Variants in FBXO36 observed in about 807,000 individuals in gnomAD.
FBXO36 encodes the protein F-box only protein 36.
In FBXO36, 18 loss-of-function variants were observed where a neutral mutation model predicts 17.0. That is an observed-to-expected ratio of 1.06 (90% CI 0.73 to 1.57). The LOEUF is 1.57. Among genes scored for constraint, FBXO36 ranks in the 40% most tolerant of loss-of-function variants. The pLI, the probability that FBXO36 is intolerant of heterozygous loss-of-function variation, is 0.00. For synonymous variants in FBXO36, 83 were observed against 85.3 expected, an observed-to-expected ratio of 0.97 and a Z score of 0.15; for missense variants, 229 against 221.9, an observed-to-expected ratio of 1.03 and a Z score of -0.20.
chr2:229,958,726 G>A (rs1430423811), intron 1 of FBXO36, among the ~76,000 whole-genome samples: 9 of 152,124 alleles, frequency 5.9e-5, no homozygotes, highest in Admixed American at 4.6e-4. Context: ...ACGGTGTCCC[G>A]CTGCAAGAGT....
intron 1 of FBXO36, chr2:229,923,284 G>C (rs1009789993): frequency 6.6e-6 from 1 of 152,154 alleles, no homozygotes; most frequent in Non-Finnish European, 1.5e-5. Context: ...TATCTCCAAA[G>C]TAACCATCGG....
At position 229,922,610 on chromosome 2, in the gene FBXO36, G is replaced by T. The variant is rs1168540042; in HGVS notation, c.96+1G>T. The stretch of plus-strand genomic sequence containing the variant: ...CCAGTTACTGGTCACCCGGTCTCAG[G>T]CAAGTGCGAGCCGCGGTTTACCCTC... On this transcript the variant is annotated splice_donor_variant, in intron 1 of 3. Coordinates refer to ENST00000283946, the MANE Select transcript of FBXO36 (RefSeq NM_174899.5). LOFTEE classifies it high-confidence loss of function. 6.2e-7 allele frequency: 1 copy of T among 1,613,812 alleles called. No homozygotes were observed. Among genetic ancestry groups the T allele is most frequent in the Admixed American group, 1.7e-5 (1 of 59,992 alleles).
Position 229,997,054 on chromosome 2 carries a change from A to G in FBXO36, c.378+131A>G, listed in dbSNP as rs1331317562. On this transcript the variant is annotated intron_variant, in intron 3 of 3. Transcript: ENST00000283946. The stretch of plus-strand genomic sequence containing the variant: ...TGTCTTAGGTGCACAAGCAGCAGAG[A>G]TGAAATGACATTCCTCCCCTCAAAG... 5.2e-6 allele frequency: 4 copies of G among 767,404 alleles called. No homozygotes were observed. In the South Asian group the frequency reaches 7.2e-5, roughly 14 times the overall value. The allele number at this position is 767,404 out of a possible 1,614,324, so 47.5% of individuals were successfully genotyped here.
At chr2:229,925,616 C>T (rs2076908311) in intron 1 of FBXO36, among the ~76,000 whole-genome samples, 1 of 151,796 alleles carries the variant, frequency 6.6e-6, no homozygotes, top group Non-Finnish European at 1.5e-5. Context: ...TTCTTTCATG[C>T]TGATTCTGTT....
intron 1 of FBXO36, among the ~76,000 whole-genome samples, chr2:229,957,010 G>A (rs2077091939): frequency 6.6e-6 from 1 of 152,168 alleles, no homozygotes; most frequent in Non-Finnish European, 1.5e-5. Context: ...TGGGGGTTAG[G>A]ACTTCAAAGT....
At chr2:229,971,991 C>CTTTTTT (rs918029152) in intron 1 of FBXO36, among the ~76,000 whole-genome samples, 1 of 104,048 alleles carries the variant, frequency 9.6e-6, no homozygotes, top group Non-Finnish European at 2.0e-5. Flanking sequence ...GTATCCAATT[C>CTTTTTT]TTTTTTTTTT....
At chr2:229,937,190 ACCT>A (rs2106158303) in intron 1 of FBXO36, among the ~76,000 whole-genome samples, 1 of 152,068 alleles carries the variant, frequency 6.6e-6, no homozygotes, top group Admixed American at 6.6e-5. Flanking sequence ...CAACCACCTC[ACCT>A]CCTTAAAAAC....
chr2:229,934,467 G>A (rs1374226992), intron 1 of FBXO36, among the ~76,000 whole-genome samples: 3 of 152,140 alleles, frequency 2.0e-5, no homozygotes, highest in African/African-American at 7.2e-5. Flanking sequence ...GACTACTGCA[G>A]AGTGGAGCTT....
rs2077412767 is a variant in FBXO36 at position 230,010,915 on chromosome 2, G to T, written c.*31G>T. The T allele has an allele frequency of 6.4e-7, 1 of 1,566,004 alleles. No homozygotes were observed. Among genetic ancestry groups the T allele is most frequent in the Non-Finnish European group, 8.7e-7 (1 of 1,152,822 alleles). On this transcript the variant is annotated 3_prime_UTR_variant, in exon 4 of 4. Transcript: ENST00000283946. ...CATTTTCCTACCAGCAGGGAGCTCA[G>T]GCATGGCTGTGTTTCTCTTCAGTGT...
intron 1 of FBXO36, among the ~76,000 whole-genome samples, chr2:229,924,211 G>GC (rs1212601217): frequency 2.0e-5 from 3 of 152,112 alleles, no homozygotes; most frequent in East Asian, 3.8e-4. Flanking sequence ...TCCTGCCTCA[G>GC]CCCCCCGAGT....
At chr2:229,956,048 A>G (rs1329124596) in intron 1 of FBXO36, among the ~76,000 whole-genome samples, 4 of 152,244 alleles carry the variant, frequency 2.6e-5, no homozygotes, top group Non-Finnish European at 5.9e-5. Context: ...GATTCAGTCC[A>G]AAGCACTCTG....
At chr2:229,949,037 A>G (rs1440139042) in intron 1 of FBXO36, among the ~76,000 whole-genome samples, 6 of 151,922 alleles carry the variant, frequency 3.9e-5, no homozygotes, top group South Asian at 4.1e-4. Context: ...GTTTCACCAT[A>G]TTGGCCAGGC....
chr2:229,927,773 A>G (rs555868572), intron 1 of FBXO36, among the ~76,000 whole-genome samples: 4 of 152,126 alleles, frequency 2.6e-5, no homozygotes, highest in Admixed American at 2.6e-4. Flanking sequence ...AAAATGAAAA[A>G]GCTCACCCCT....
At position 230,011,843 on chromosome 2, in the gene FBXO36, G is replaced by C. The variant is rs2077417779; in HGVS notation, c.*959G>C. The C allele has an allele frequency of 1.3e-5, 2 of 152,022 alleles. No individual in the cohort carries two copies. Among genetic ancestry groups the C allele is most frequent in the Non-Finnish European group, 2.9e-5 (2 of 68,002 alleles). The allele number at this position is 152,022 out of a possible 1,614,324, so 9.4% of individuals were successfully genotyped here. A position where few individuals can be genotyped will look rare whatever the true frequency, so the allele number is the denominator to read the frequency against. ...GGATATTTAAGAAAACAGACTATGA[G>C]TTAACTAAGTAAAAATGTAAATATG... On this transcript the variant is annotated 3_prime_UTR_variant, in exon 4 of 4. Transcript: ENST00000283946.
intron 1 of FBXO36, among the ~76,000 whole-genome samples, chr2:229,935,683 A>T (rs1432847597): frequency 1.3e-5 from 2 of 152,162 alleles, no homozygotes; most frequent in Non-Finnish European, 1.5e-5. Flanking sequence ...CTGTCCTTAC[A>T]TTAGTGGATC....
At chr2:229,943,609 T>C (rs943611422) in intron 1 of FBXO36, among the ~76,000 whole-genome samples, 4 of 151,672 alleles carry the variant, frequency 2.6e-5, no homozygotes, top group African/African-American at 7.3e-5. Flanking sequence ...AAGCACATGA[T>C]TGGAAATGTG....
intron 3 of FBXO36, among the ~76,000 whole-genome samples, chr2:230,007,574 C>T (rs1297564940): frequency 6.6e-6 from 1 of 152,054 alleles, no homozygotes; most frequent in African/African-American, 2.4e-5. Context: ...GTGTTTACAG[C>T]AACCTGATTC....
intron 1 of FBXO36, among the ~76,000 whole-genome samples, chr2:229,963,444 CTTTTTTT>C (rs757351541): frequency 1.9e-4 from 25 of 129,228 alleles, no homozygotes; most frequent in East Asian, 6.5e-4. Context: ...TTTCTTTTTT[CTTTTTTT>C]TTTTTTTTTT....
intron 1 of FBXO36, among the ~76,000 whole-genome samples, chr2:229,967,589 G>T (rs183365298): frequency 6.6e-6 from 1 of 152,110 alleles, no homozygotes; most frequent in East Asian, 1.9e-4. Context: ...TAGCATGAAG[G>T]GCTGTTGAAT....
Sources: allele counts gnomAD v4.1 joint callset (sites outside exome capture counted in the v4.1 genomes callset), GRCh38; gene constraint gnomAD v4.1.1; transcripts MANE v1.5; gene names NCBI Gene and HGNC (gene_info 2026-07-23, HGNC 2026-07-21).